Variants in CPNE9 observed in about 807,000 individuals in gnomAD.
CPNE9 encodes copine family member 9, also known as copine-9.
CPNE9 carries 59 observed loss-of-function variants against 83.0 expected under a neutral mutation model. The ratio of observed to expected loss-of-function variants is 0.71; its 90% CI spans 0.58 to 0.88. CPNE9 has a LOEUF of 0.88. CPNE9 is among the 40% of genes least tolerant of loss of function. CPNE9 has a pLI of 0.00. For missense variants in CPNE9, 619 were observed against 720.8 expected (o/e 0.86, Z 1.62); for synonymous variants, 256 against 273.4 (o/e 0.94, Z 0.63).
At chr3:9,712,888 G>A (rs143275352) in intron 9 of CPNE9, 60 bp downstream of exon 9, 5 of 1,560,620 alleles carry the variant, frequency 3.2e-6, no homozygotes, top group Non-Finnish European at 4.4e-6. Flanking sequence ...ACAAGTGGGG[G>A]AATCTCAGGA....
intron 20 of CPNE9, chr3:9,727,599 G>A (rs1311406829): frequency 3.4e-6 from 2 of 594,818 alleles, no homozygotes; most frequent in Non-Finnish European, 6.0e-6. Flanking sequence ...TACAGGGAGA[G>A]GAGCAGCATG....
At position 9,704,121 on chromosome 3, in the gene CPNE9, G is replaced by A. The variant is rs2076533829; in HGVS notation, c.68+57G>A. ...ACTGGCACTGCCCCAGCCCCAGCCA[G>A]CCGCGGGGCTCAGCCTGGGCAGGGG... On this transcript the variant is annotated intron_variant, in intron 1 of 20. Transcript: ENST00000383832. The surrounding 1 kb of genome is among the most constrained non-coding windows in gnomAD (Gnocchi z 7.1). The A allele has an allele frequency of 3.3e-6, 5 of 1,525,056 alleles. No homozygotes were observed. The highest frequency in any genetic ancestry group is 3.7e-5 in the Admixed American group (2 of 53,982). The allele number at this position is 1,525,056 out of a possible 1,614,324, so 94.5% of individuals were successfully genotyped here.
At chr3:9,714,733 G>A (rs1291026234) in intron 10 of CPNE9, among the ~76,000 whole-genome samples, 181 bp from the exon 11 acceptor site, 1 of 151,702 alleles carries the variant, frequency 6.6e-6, no homozygotes, top group African/African-American at 2.4e-5. Context: ...GGGGTAGGTG[G>A]TTGGGTACAG....
intron 17 of CPNE9, among the ~76,000 whole-genome samples, chr3:9,719,080 A>G (rs1575128219): frequency 6.6e-6 from 1 of 150,902 alleles, no homozygotes; most frequent in African/African-American, 2.4e-5. Flanking sequence ...CAAGTGATCC[A>G]CCTGCCTCAG....
chr3:9,712,470 C>T, intron 7 of CPNE9, 71 bp from the exon 8 acceptor site: 2 of 1,269,260 alleles, frequency 1.6e-6, no homozygotes, highest in Non-Finnish European at 2.3e-6. Flanking sequence ...GCCCACCTAA[C>T]CCCAGACTGG....
At chr3:9,705,410 TCCACCCTCTCCC>T in intron 4 of CPNE9, 42 bp from the exon 5 acceptor site, 2 of 904,662 alleles carry the variant, frequency 2.2e-6, no homozygotes, top group Non-Finnish European at 3.5e-6. Flanking sequence ...CCGACCCCTT[TCCACCCTCTCCC>T]CCACCCAGCC....
intron 16 of CPNE9, 126 bp from the exon 17 acceptor site, chr3:9,718,349 A>G: frequency 1.4e-6 from 2 of 1,412,860 alleles, no homozygotes; most frequent in Non-Finnish European, 1.9e-6. Context: ...CAGGGAGGGG[A>G]GCAGGGCTGG....
intron 19 of CPNE9, 39 bp from the exon 20 acceptor site, chr3:9,727,074 G>A (rs777373549): frequency 4.8e-5 from 78 of 1,611,580 alleles, no homozygotes; most frequent in South Asian, 1.1e-4. Flanking sequence ...GGGTGGGGCT[G>A]GAGAGGCCAA....
Position 9,712,576 on chromosome 3 carries a change from T to C in CPNE9, c.413T>C (p.Leu138Pro). The change falls in exon 8 of 21, where the codon CTG (leucine) becomes CCG (proline). Residue 138 changes from leucine (L) to proline (P), a missense_variant. Physicochemically the swap from Leu to Pro is moderately conservative, Grantham distance 98 (BLOSUM62 -3). Coordinates refer to ENST00000383832, the MANE Select transcript of CPNE9 (RefSeq NM_153635.3). ...VPGKKCGTIL[L>P]TAEELSNCRD... is the part of the protein sequence containing the mutation. ...GGCAAGAAGTGTGGGACCATATTGC[T>C]GACTGCAGAAGAGCTTAGCAATTGT... The C allele has an allele frequency of 6.2e-7, 1 of 1,614,160 alleles. No individual in the cohort carries two copies. The highest frequency in any genetic ancestry group is 8.5e-7 in the Non-Finnish European group (1 of 1,180,008).
In CPNE9 at chr3:9,706,003, C is replaced by A; in HGVS notation, c.317C>A (p.Ala106Glu). Residue 106 changes from alanine to glutamate, a missense_variant, in exon 7 of 21, where the codon GCG becomes GAG. This residue lies in a region of CPNE9 where 438 missense variants were observed against 562.9 expected (regional missense o/e 0.78). Transcript: ENST00000383832. Reference sequence around the variant, plus strand: ...CCTGCATAGGATTTCCTGGGACAAGCGTTCCTGGCCCTGGGAGAGGTGATT... The same window carrying A: ...CCTGCATAGGATTTCCTGGGACAAGAGTTCCTGGCCCTGGGAGAGGTGATT... ...ISKPKDFLGQAFLALGEVIGG... is the reference protein window; with the variant it reads ...ISKPKDFLGQEFLALGEVIGG... The A allele has an allele frequency of 6.2e-7, 1 of 1,613,550 alleles. No individual in the cohort carries two copies. The highest frequency in any genetic ancestry group is 8.5e-7 in the Non-Finnish European group (1 of 1,179,980).
chr3:9,726,074 G>A, intron 18 of CPNE9, 23 bp downstream of exon 18: 1 of 1,485,744 alleles, frequency 6.7e-7, no homozygotes, highest in African/African-American at 1.4e-5. Context: ...AGGAGGGCTT[G>A]GCAGGGAGGA....
intron 15 of CPNE9, among the ~76,000 whole-genome samples, chr3:9,717,514 TAAC>T (rs759444206): frequency 7.9e-5 from 12 of 152,018 alleles, no homozygotes; most frequent in Non-Finnish European, 1.5e-4. Flanking sequence ...GTTGGGGAAA[TAAC>T]AAGTAATTAG....
At position 9,727,156 on chromosome 3, in the gene CPNE9, G is replaced by C. The variant is rs758634706; in HGVS notation, c.1446G>C (p.Arg482Ser). 8.1e-6 allele frequency: 13 copies of C among 1,614,078 alleles called. No individual in the cohort carries two copies. The Admixed American group carries it at 1.5e-4, about 19-fold the overall frequency. ...LDGDDVRVSS[R>S]GRYAERDIVQ... ...GTGATGATGTGCGCGTGTCCTCTAGGGGACGCTACGCAGAGCGGGACATCG... is the reference window on the plus strand; with the variant it reads ...GTGATGATGTGCGCGTGTCCTCTAGCGGACGCTACGCAGAGCGGGACATCG... Residue 482 changes from arginine (R) to serine (S), a missense_variant, in exon 20 of 21, where the codon AGG becomes AGC. Transcript: ENST00000383832.
At chr3:9,715,583 G>A (rs1249009120) in intron 13 of CPNE9, 57 bp downstream of exon 13, 2 of 1,432,298 alleles carry the variant, frequency 1.4e-6, no homozygotes, top group Admixed American at 3.4e-5. Flanking sequence ...TGTCCCCATT[G>A]ACACAGCATG....
At position 9,725,992 on chromosome 3, in the gene CPNE9, C is replaced by G. The variant is rs759949964; in HGVS notation, c.1285C>G (p.Leu429Val). Residue 429 changes from leucine (L) to valine (V), a missense_variant, in exon 18 of 21, where the codon CTC becomes GTC. Leu to Val is a conservative substitution (Grantham distance 32). This residue lies in a region of CPNE9 where 438 missense variants were observed against 562.9 expected (regional missense o/e 0.78). Transcript: ENST00000383832. ...ISDGSQYYVL[L>V]IITDGVISDM... is the part of the protein sequence containing the mutation. ...TGATGGCTCCCAGTACTATGTTCTG[C>G]TCATCATCACTGATGGGGTCATCTC... The G allele has an allele frequency of 6.2e-7, 1 of 1,613,148 alleles. No individual in the cohort carries two copies. Among genetic ancestry groups the G allele is most frequent in the African/African-American group, 1.3e-5 (1 of 74,932 alleles).
chr3:9,705,826 T>G, intron 6 of CPNE9, 106 bp downstream of exon 6: 1 of 1,392,522 alleles, frequency 7.2e-7, no homozygotes, highest in Non-Finnish European at 1.0e-6. Flanking sequence ...CGCAGACCCC[T>G]TCTTTCACAC....
intron 7 of CPNE9, among the ~76,000 whole-genome samples, chr3:9,708,836 G>A (rs376253167): frequency 6.5e-4 from 99 of 151,802 alleles, no homozygotes; most frequent in East Asian, 3.1e-3. Flanking sequence ...GGGTTTCACC[G>A]TGTTAGCCAG....
At chr3:9,726,842 G>T (rs996921325) in intron 19 of CPNE9, 120 bp downstream of exon 19, 5 of 925,056 alleles carry the variant, frequency 5.4e-6, no homozygotes, top group Non-Finnish European at 8.6e-6. Context: ...GTGAAGCCTT[G>T]GTCAAGTCAC....
Position 9,704,743 on chromosome 3 carries a change from C to G in CPNE9, c.110-6C>G, listed in dbSNP as rs1417618972. On this transcript the variant is annotated splice_region_variant and splice_polypyrimidine_tract_variant and intron_variant, in intron 2 of 20. Transcript: ENST00000383832. This position sits in a 1 kb window ranked among gnomAD's most constrained non-coding sequence, Gnocchi z 7.1. Reference sequence around the variant, plus strand: ...GACGTCCTTCCCTCCCCGCCCCCACCTGCAGTGGTGGTGCTTTACACGCAG... The same window carrying G: ...GACGTCCTTCCCTCCCCGCCCCCACGTGCAGTGGTGGTGCTTTACACGCAG... 5 of 1,612,652 alleles carry G rather than the reference C, an allele frequency of 3.1e-6. No individual in the cohort carries two copies. The highest frequency in any genetic ancestry group is 4.2e-6 in the Non-Finnish European group (5 of 1,179,710).
Sources: allele counts gnomAD v4.1 joint callset (sites outside exome capture counted in the v4.1 genomes callset), GRCh38; gene constraint gnomAD v4.1.1; regional missense constraint gnomAD v4.1.1; non-coding constraint Gnocchi (gnomAD v3.1); transcripts MANE v1.5; gene names NCBI Gene and HGNC (gene_info 2026-07-23, HGNC 2026-07-21).